The following AFF3 variants were observed in gnomAD, a reference collection of about 807,000 sequenced individuals.
AFF3 encodes AF4/FMR2 family member 3.
Under a neutral mutation model 129.7 loss-of-function variants are expected in AFF3, and 32 were observed. The ratio of observed to expected loss-of-function variants is 0.25; its 90% CI spans 0.19 to 0.33. The LOEUF (loss-of-function observed/expected upper bound fraction) is 0.33, where lower values mean the gene tolerates loss of function less well. Among genes scored for constraint, AFF3 ranks in the 10% least tolerant of loss-of-function variants. The probability of loss-of-function intolerance (pLI) is 1.00; values close to 1 mark genes in which losing one functional copy is unlikely to be tolerated. For synonymous variants in AFF3, 644 were observed against 635.4 expected, an observed-to-expected ratio of 1.01 and a Z score of -0.20; for missense variants, 1,373 against 1,592.0, an observed-to-expected ratio of 0.86 and a Z score of 2.34.
chr2:99,974,138 A>AC (rs1190895554), intron 7 of AFF3, among the ~76,000 whole-genome samples: 2 of 152,176 alleles, frequency 1.3e-5, no homozygotes, highest in East Asian at 3.8e-4. Flanking sequence ...TAAAATGTAG[A>AC]CGTCTTTTCT....
intron 7 of AFF3, among the ~76,000 whole-genome samples, chr2:99,996,352 G>C (rs1160484044): frequency 6.6e-6 from 1 of 152,026 alleles, no homozygotes; most frequent in Non-Finnish European, 1.5e-5. Flanking sequence ...CATTAACTGT[G>C]ATTATTTCCA....
chr2:99,712,184 C>T (rs1677958110), intron 11 of AFF3, among the ~76,000 whole-genome samples: 1 of 152,150 alleles, frequency 6.6e-6, no homozygotes, highest in Admixed American at 6.5e-5. Context: ...TCTGGGTTGT[C>T]AGTTCTTTGG....
chr2:99,795,676 A>C (rs1407727784), intron 8 of AFF3, among the ~76,000 whole-genome samples: 1 of 150,014 alleles, frequency 6.7e-6, no homozygotes, highest in East Asian at 2.0e-4. Flanking sequence ...TTTCCCTCCC[A>C]CCTTCATTCC....
At chr2:99,675,504 T>A (rs528440542) in intron 11 of AFF3, among the ~76,000 whole-genome samples, 59 of 152,240 alleles carry the variant, frequency 3.9e-4, no homozygotes, top group Non-Finnish European at 7.8e-4. Context: ...CTGATGGTCA[T>A]GAGCAGGCCC....
rs765794668 is a variant in AFF3 at position 99,691,313 on chromosome 2, TAATA to T, written c.1092-18728_1092-18725del. ...TCTCATTTGTTCACTGAGGGCTCCA[TAATA>T]AAGTTCTGCTAAAAATGCATGTTGC... On this transcript the variant is annotated intron_variant, in intron 11 of 24. Coordinates refer to ENST00000672756, the MANE Select transcript of AFF3 (RefSeq NM_001386135.1). Among the ~76,000 whole-genome samples, 9 of 152,260 alleles carry T rather than the reference TAATA, an allele frequency of 5.9e-5. No individual in the cohort carries two copies. In the South Asian group the frequency reaches 1.9e-3, roughly 32 times the overall value.
At chr2:99,758,602 A>G (rs1682317160) in intron 8 of AFF3, among the ~76,000 whole-genome samples, 1 of 151,154 alleles carries the variant, frequency 6.6e-6, no homozygotes, top group African/African-American at 2.4e-5. Flanking sequence ...AAAAAAAAAA[A>G]AGCTTCATAT....
At chr2:99,820,524 C>T (rs1039508932) in intron 8 of AFF3, among the ~76,000 whole-genome samples, 1 of 151,734 alleles carries the variant, frequency 6.6e-6, no homozygotes, top group African/African-American at 2.4e-5. Context: ...CTACTGTAGA[C>T]TTTATAAACA....
chr2:99,682,945 TAGCA>T (rs2104569415), intron 11 of AFF3, among the ~76,000 whole-genome samples: 1 of 152,352 alleles, frequency 6.6e-6, no homozygotes, highest in East Asian at 1.9e-4. Flanking sequence ...AGATTACTGT[TAGCA>T]GTTTTCTGTT....
At chr2:99,677,508 T>C (rs1286227168) in intron 11 of AFF3, among the ~76,000 whole-genome samples, 1 of 152,140 alleles carries the variant, frequency 6.6e-6, no homozygotes, top group African/African-American at 2.4e-5. Flanking sequence ...TGGGAACTTG[T>C]CCTTACAATG....
At position 99,744,133 on chromosome 2, in the gene AFF3, T is replaced by C; in HGVS notation, c.1010A>G (p.Gln337Arg). Residue 337 changes from glutamine (Q) to arginine (R), a missense_variant, in exon 10 of 25, where the codon CAG (glutamine) becomes CGG (arginine). Physicochemically the swap from Gln to Arg is conservative, Grantham distance 43. Around this residue, in one of 9 missense-constraint regions of AFF3, gnomAD observed 413 missense variants for 424.4 expected, o/e 0.97. Coordinates refer to ENST00000672756, the MANE Select transcript of AFF3 (RefSeq NM_001386135.1). Reference sequence around the variant, plus strand: ...ATTATTGTGTCCAGAGGATACAAGCTGAGAGTCCTGAAAGAACAAGAAATA... The same window carrying C: ...ATTATTGTGTCCAGAGGATACAAGCCGAGAGTCCTGAAAGAACAAGAAATA... ...TKFPFPNKDS[Q>R]LVSSGHNNPK... 1 of 1,604,790 alleles carries C rather than the reference T, an allele frequency of 6.2e-7. No homozygotes were observed. The highest frequency in any genetic ancestry group is 8.5e-7 in the Non-Finnish European group (1 of 1,175,718).
intron 2 of AFF3, chr2:100,105,958 C>T (rs1691266206): frequency 7.5e-7 from 1 of 1,327,612 alleles, no homozygotes; most frequent in African/African-American, 1.5e-5. Context: ...CTGACTGGGG[C>T]TGCCAGAAAT....
chr2:99,724,267 C>CTTTTTTT (rs1553440069), intron 11 of AFF3, among the ~76,000 whole-genome samples: 1 of 27,006 alleles, frequency 3.7e-5, no homozygotes, highest in Non-Finnish European at 6.6e-5. Flanking sequence ...GTGGAATGAC[C>CTTTTTTT]TTTCTTTTTT....
At chr2:100,064,729 T>C (rs1687580602) in intron 4 of AFF3, among the ~76,000 whole-genome samples, 1 of 152,144 alleles carries the variant, frequency 6.6e-6, no homozygotes, top group African/African-American at 2.4e-5. Context: ...CAAAAATACA[T>C]CGTCATGCAG....
intron 4 of AFF3, among the ~76,000 whole-genome samples, chr2:100,031,929 C>T (rs894657286): frequency 2.0e-5 from 3 of 152,218 alleles, no homozygotes; most frequent in Non-Finnish European, 4.4e-5. Flanking sequence ...TTAAGAATTA[C>T]AGCTATATGC....
intron 4 of AFF3, among the ~76,000 whole-genome samples, chr2:100,026,278 C>T (rs994011623): frequency 2.0e-5 from 3 of 152,008 alleles, no homozygotes; most frequent in Non-Finnish European, 4.4e-5. Flanking sequence ...ATACAAATGG[C>T]CAACAAACAT....
At chr2:99,902,431 A>G (rs572685004) in intron 7 of AFF3, among the ~76,000 whole-genome samples, 129 of 152,228 alleles carry the variant, frequency 8.5e-4, no homozygotes, top group African/African-American at 3.0e-3. Flanking sequence ...CACTCACTAC[A>G]TGCTTGGGCA....
Position 99,676,880 on chromosome 2 carries a change from T to C in AFF3, c.1092-4291A>G, listed in dbSNP as rs371047965. Among the ~76,000 whole-genome samples, 20 of 152,144 alleles carry C rather than the reference T, an allele frequency of 1.3e-4. 1 individual carries two copies. In the South Asian group the frequency reaches 1.7e-3, roughly 13 times the overall value. The stretch of plus-strand genomic sequence containing the variant: ...GCACGGAGAGGTCTGCCCTGGGAGC[T>C]AGCGGGTGGCCACGAGGCCAGGAGT... On this transcript the variant is annotated intron_variant, in intron 11 of 24. Transcript: ENST00000672756.
intron 4 of AFF3, among the ~76,000 whole-genome samples, chr2:100,066,326 TGGA>T (rs936695460): frequency 6.6e-5 from 10 of 152,108 alleles, no homozygotes; most frequent in Non-Finnish European, 1.2e-4. Context: ...TAGAATACTT[TGGA>T]GGAAGGGGTG....
At chr2:99,555,639 A>G (rs1674841530) in intron 22 of AFF3, among the ~76,000 whole-genome samples, 1 of 152,190 alleles carries the variant, frequency 6.6e-6, no homozygotes. Flanking sequence ...CCTTCATAGG[A>G]CTGTTAAGGG....
Sources: allele counts gnomAD v4.1 joint callset (sites outside exome capture counted in the v4.1 genomes callset), GRCh38; gene constraint gnomAD v4.1.1; regional missense constraint gnomAD v4.1.1; transcripts MANE v1.5; gene names NCBI Gene and HGNC (gene_info 2026-07-23, HGNC 2026-07-21).